The following AP1G1 variants were observed in gnomAD, a reference collection of about 807,000 sequenced individuals.
The protein encoded by AP1G1 is AP-1 complex subunit gamma-1.
AP1G1 carries 7 observed loss-of-function variants against 108.3 expected under a neutral mutation model. That is an observed-to-expected ratio of 0.06 (90% CI 0.04 to 0.12). The LOEUF (loss-of-function observed/expected upper bound fraction) is 0.12. Ranked by LOEUF, AP1G1 falls within the 10% of genes least tolerant of loss-of-function variation. The pLI is 1.00. For missense variants in AP1G1, 756 were observed against 1,010.7 expected (o/e 0.75, Z 3.42); for synonymous variants, 379 against 353.5 (o/e 1.07, Z -0.81).
chr16:71,733,897 T>G (rs1019467608), intron 22 of AP1G1, among the ~76,000 whole-genome samples: 27 of 152,320 alleles, frequency 1.8e-4, no homozygotes, highest in Admixed American at 5.9e-4. Context: ...AGAACTCAAT[T>G]AGACACTTTT....
chr16:71,773,092 T>C (rs2031639653), intron 4 of AP1G1, 129 bp downstream of exon 4: 2 of 993,934 alleles, frequency 2.0e-6, no homozygotes, highest in Admixed American at 4.1e-5. Flanking sequence ...TATAATCATG[T>C]AAAACAGATT....
chr16:71,745,544 T>C lies in AP1G1; in HGVS notation c.1801A>G (p.Thr601Ala), dbSNP rs1200932775. 6.2e-7 allele frequency: 1 copy of C among 1,614,054 alleles called. No homozygotes were observed. The highest frequency in any genetic ancestry group is 8.5e-7 in the Non-Finnish European group (1 of 1,180,026). The change falls in exon 18 of 23, where the codon ACA becomes GCA. Residue 601 changes from threonine to alanine, a missense_variant. Transcript: ENST00000299980. The part of the protein sequence containing the change: ...TTNGPTEIVQ[T>A]NGETEPAPLE... ...GGAGCTGGTTCTGTCTCTCCATTTG[T>C]CTGCACAATCTCAGTAGGGCCATTT...
At chr16:71,766,376 T>C (rs1440424949) in intron 6 of AP1G1, 1 of 464,322 alleles carries the variant, frequency 2.2e-6, no homozygotes, top group Non-Finnish European at 4.5e-6. Flanking sequence ...CCATTAAGAG[T>C]CCTAACACAT....
intron 6 of AP1G1, among the ~76,000 whole-genome samples, chr16:71,768,037 G>A (rs1329293414): frequency 1.3e-5 from 2 of 151,564 alleles, no homozygotes; most frequent in Non-Finnish European, 2.9e-5. Flanking sequence ...TCCTGTTAGA[G>A]CCTTACTAGA....
chr16:71,808,097 G>C, intron 1 of AP1G1: 1 of 1,158,110 alleles, frequency 8.6e-7, no homozygotes, highest in Non-Finnish European at 1.1e-6. Flanking sequence ...ACTCTTTCAG[G>C]CAATCAGGAA....
At chr16:71,802,987 G>A (rs1271797043) in intron 1 of AP1G1, among the ~76,000 whole-genome samples, 1 of 152,154 alleles carries the variant, frequency 6.6e-6, no homozygotes, top group East Asian at 1.9e-4. Flanking sequence ...GGCTGAAGCA[G>A]GTGAATCACC....
At chr16:71,741,131 T>A (rs773531336) in intron 19 of AP1G1, among the ~76,000 whole-genome samples, 7 of 152,222 alleles carry the variant, frequency 4.6e-5, no homozygotes, top group Non-Finnish European at 7.3e-5. Context: ...ATGTATTTAA[T>A]ATTTAAATAG....
chr16:71,772,307 T>G (rs2031608042), intron 4 of AP1G1, among the ~76,000 whole-genome samples: 1 of 152,122 alleles, frequency 6.6e-6, no homozygotes. Context: ...TTTTTTGTAT[T>G]TTTAGTAGAG....
rs771605824 is a variant in AP1G1, at chr16:71,745,220, A to G, written c.1923T>C (p.Ile641=). The G allele has an allele frequency of 1.2e-6, 2 of 1,614,100 alleles. No homozygotes were observed. The highest frequency in any genetic ancestry group is 1.1e-5 in the South Asian group (1 of 91,090). Residue 641 remains isoleucine (I), a synonymous_variant, in exon 19 of 23, where the codon ATT becomes ATC. Transcript: ENST00000299980. ...ATGGTTTGCTTGTAGGCGCAGTTGG[A>G]ATAACAGGTGTTATGTCATTTCCTC... The part of the protein sequence containing the change: ...LLGGNDITPV[I]PTAPTSKPSS...
intron 11 of AP1G1, chr16:71,758,355 AGCAATATGCT>A (rs749233976): frequency 2.0e-6 from 1 of 500,416 alleles, no homozygotes; most frequent in South Asian, 1.5e-5. Context: ...CACTGTTCTA[AGCAATATGCT>A]GCCTTCAGGA....
At chr16:71,789,083 C>G (rs1369530079) in intron 2 of AP1G1, among the ~76,000 whole-genome samples, 196 bp downstream of exon 2, 5 of 152,184 alleles carry the variant, frequency 3.3e-5, no homozygotes, top group Admixed American at 3.3e-4. Context: ...TAATGAGACT[C>G]CCAGTGGAAA....
chr16:71,773,803 C>G (rs192952056), intron 3 of AP1G1, among the ~76,000 whole-genome samples: 1 of 148,476 alleles, frequency 6.7e-6, no homozygotes, highest in East Asian at 2.2e-4. Context: ...ATTGGCCGAG[C>G]GTGGTGGCGG....
chr16:71,762,868 A>G (rs1017059634), intron 9 of AP1G1, among the ~76,000 whole-genome samples: 1 of 152,236 alleles, frequency 6.6e-6, no homozygotes, highest in Non-Finnish European at 1.5e-5. Context: ...AGTCAGAAGC[A>G]CAGGTCACAA....
At chr16:71,758,063 C>T (rs1000726695) in intron 11 of AP1G1, among the ~76,000 whole-genome samples, 28 of 152,174 alleles carry the variant, frequency 1.8e-4, no homozygotes, top group African/African-American at 6.0e-4. Context: ...TTAGATTGCT[C>T]AAGCACTTAG....
chr16:71,792,561 C>T (rs2032443208), intron 1 of AP1G1, among the ~76,000 whole-genome samples: 1 of 152,230 alleles, frequency 6.6e-6, no homozygotes, highest in South Asian at 2.1e-4. Flanking sequence ...TAAAGAATTA[C>T]AAGTGAGGAG....
At chr16:71,736,098 CAA>C (rs1213680207) in intron 21 of AP1G1, among the ~76,000 whole-genome samples, 40 of 25,416 alleles carry the variant, frequency 1.6e-3, no homozygotes, top group Non-Finnish European at 2.1e-3. Flanking sequence ...GACTCCATCT[CAA>C]AAAAAAAAAA....
In AP1G1 at chr16:71,732,931, T is replaced by C; in HGVS notation, c.*127A>G. On this transcript the variant is annotated 3_prime_UTR_variant, in exon 23 of 23. Transcript: ENST00000299980. ...GTCAGCAGTAACTTTAGGAAAATCC[T>C]CCTCAGCAGTTCTCTTCAGCTCCTC... The C allele has an allele frequency of 1.5e-6, 1 of 685,356 alleles. No individual in the cohort carries two copies. The highest frequency in any genetic ancestry group is 1.9e-5 in the South Asian group (1 of 51,854). The allele number at this position is 685,356 out of a possible 1,614,324, so 42.5% of individuals were successfully genotyped here. A position where few individuals can be genotyped will look rare whatever the true frequency, so the allele number is the denominator to read the frequency against.
intron 11 of AP1G1, among the ~76,000 whole-genome samples, chr16:71,757,468 C>T (rs756532511): frequency 2.6e-5 from 4 of 151,446 alleles, no homozygotes; most frequent in Non-Finnish European, 5.9e-5. Context: ...AAAAAATTAA[C>T]GAGTGGGGAT....
At chr16:71,751,021 G>C (rs2030469144) in intron 13 of AP1G1, among the ~76,000 whole-genome samples, 1 of 151,556 alleles carries the variant, frequency 6.6e-6, no homozygotes, top group African/African-American at 2.4e-5. Flanking sequence ...CCGGGCATGT[G>C]GTGGGTGCTT....
Sources: gnomAD v4.1 joint callset for allele counts (sites outside exome capture counted in the v4.1 genomes callset) on GRCh38, gnomAD v4.1.1 for gene constraint, MANE v1.5 for transcripts, NCBI Gene and HGNC (gene_info 2026-07-23, HGNC 2026-07-21) for gene names.